The following SH3RF3 variants were observed in gnomAD, a reference collection of about 807,000 sequenced individuals.
SH3RF3 encodes the protein SH3 domain containing ring finger 3, also known as E3 ubiquitin-protein ligase SH3RF3.
In SH3RF3, 29 loss-of-function variants were observed where a neutral mutation model predicts 66.3. The ratio of observed to expected loss-of-function variants is 0.44; its 90% CI spans 0.33 to 0.60. SH3RF3 has a LOEUF of 0.60. Among genes scored for constraint, SH3RF3 ranks in the 20% least tolerant of loss-of-function variants. The probability of loss-of-function intolerance (pLI) is 0.04; values close to 1 mark genes in which losing one functional copy is unlikely to be tolerated. For synonymous variants in SH3RF3, 583 were observed against 532.0 expected, an observed-to-expected ratio of 1.10 and a Z score of -1.32; for missense variants, 1,194 against 1,190.9, an observed-to-expected ratio of 1.00 and a Z score of -0.04.
At chr2:109,324,077 TCTTA>T (rs1471853229) in intron 1 of SH3RF3, among the ~76,000 whole-genome samples, 4 of 152,362 alleles carry the variant, frequency 2.6e-5, no homozygotes, top group South Asian at 2.1e-4. Flanking sequence ...GCCTTTTGTG[TCTTA>T]CTTCTTTCAC....
chr2:109,441,917 T>G (rs1233357276), intron 7 of SH3RF3, among the ~76,000 whole-genome samples: 1 of 152,028 alleles, frequency 6.6e-6, no homozygotes, highest in Non-Finnish European at 1.5e-5. Context: ...AATATAGCTG[T>G]CAATCTAGTA....
At chr2:109,491,062 C>A in intron 9 of SH3RF3, 126 bp downstream of exon 9, 1 of 874,318 alleles carries the variant, frequency 1.1e-6, no homozygotes, top group Non-Finnish European at 1.6e-6. Flanking sequence ...TACCTCAACA[C>A]CCAGATCCAC....
intron 1 of SH3RF3, among the ~76,000 whole-genome samples, chr2:109,158,514 T>G (rs143889103): frequency 6.6e-6 from 1 of 152,220 alleles, no homozygotes; most frequent in Non-Finnish European, 1.5e-5. Flanking sequence ...ATGCCTTGGC[T>G]GGGGGAGCTG....
chr2:109,256,633 A>G (rs574493457), intron 1 of SH3RF3, among the ~76,000 whole-genome samples: 1 of 152,170 alleles, frequency 6.6e-6, no homozygotes, highest in South Asian at 2.1e-4. Flanking sequence ...ATTGTGCCAC[A>G]ATTTTTATTA....
chr2:109,398,714 T>G lies in SH3RF3; in HGVS notation c.1070T>G (p.Leu357Ter). 1.2e-6 allele frequency: 2 copies of G among 1,612,918 alleles called. No homozygotes were observed. Among genetic ancestry groups the G allele is most frequent in the Non-Finnish European group, 1.7e-6 (2 of 1,179,556 alleles). Residue 357 changes from leucine to a stop codon, truncating the protein, a stop_gained, in exon 4 of 10, where the codon TTA (leucine) becomes TGA (stop). Transcript: ENST00000309415. LOFTEE classifies it high-confidence loss of function. ...GCCAGCGTGGCCCCAAGTCCCACTT[T>G]AAGCAGCTCAGGGGCGGTCAGTGCC... The part of the protein sequence containing the change: ...AVASVAPSPT[L>*]SSSGAVSAFQ...
intron 7 of SH3RF3, among the ~76,000 whole-genome samples, chr2:109,443,081 A>G (rs1375467318): frequency 6.6e-6 from 1 of 152,266 alleles, no homozygotes; most frequent in Non-Finnish European, 1.5e-5. Context: ...TATCATGAAC[A>G]CTGAATTTGT....
chr2:109,343,864 C>T (rs2105541813), intron 1 of SH3RF3, among the ~76,000 whole-genome samples: 1 of 152,144 alleles, frequency 6.6e-6, no homozygotes, highest in South Asian at 2.1e-4. Context: ...CTTGCCTCAG[C>T]CTCCCAATAG....
In SH3RF3 at chr2:109,504,500, C is replaced by A. The variant is rs1679479915; in HGVS notation, c.*2829C>A. Reference sequence around the variant, plus strand: ...CTTTGTACTTTGCACAGTTCACACACACAAACACACACACCCTATCCCAAG... The same window carrying A: ...CTTTGTACTTTGCACAGTTCACACAAACAAACACACACACCCTATCCCAAG... On this transcript the variant is annotated 3_prime_UTR_variant, in exon 10 of 10. Transcript: ENST00000309415. 1 of 152,024 alleles carries A rather than the reference C, an allele frequency of 6.6e-6. No homozygotes were observed. The highest frequency in any genetic ancestry group is 2.4e-5 in the African/African-American group (1 of 41,444). The allele number at this position is 152,024 out of a possible 1,614,324, so 9.4% of individuals were successfully genotyped here.
intron 1 of SH3RF3, among the ~76,000 whole-genome samples, chr2:109,274,848 AC>A (rs1241957112): frequency 6.6e-6 from 1 of 151,976 alleles, no homozygotes; most frequent in Non-Finnish European, 1.5e-5. Context: ...TTTGTAGATT[AC>A]CATAATGTAA....
chr2:109,449,097 T>C (rs1677790627), intron 7 of SH3RF3, 73 bp from the exon 8 acceptor site: 1 of 1,517,774 alleles, frequency 6.6e-7, no homozygotes, highest in South Asian at 1.3e-5. Flanking sequence ...GAGTGTGCAT[T>C]GCAGCTGCCT....
At chr2:109,369,882 T>C (rs1240971575) in intron 2 of SH3RF3, among the ~76,000 whole-genome samples, 1 of 152,226 alleles carries the variant, frequency 6.6e-6, no homozygotes, top group Non-Finnish European at 1.5e-5. Context: ...AAGAGGCCTG[T>C]AAGTCCCGAA....
chr2:109,378,850 C>G (rs984246282), intron 3 of SH3RF3, among the ~76,000 whole-genome samples: 1 of 152,204 alleles, frequency 6.6e-6, no homozygotes, highest in Non-Finnish European at 1.5e-5. Flanking sequence ...GTGGGCAGTT[C>G]TTTCCCCAGT....
intron 1 of SH3RF3, among the ~76,000 whole-genome samples, chr2:109,146,259 G>A (rs1002907997): frequency 3.3e-5 from 5 of 152,160 alleles, no homozygotes; most frequent in Non-Finnish European, 2.9e-5. Flanking sequence ...GCCAGATTAA[G>A]GGTCAGGCAA....
At position 109,368,998 on chromosome 2, in the gene SH3RF3, G is replaced by A. The variant is rs569408137; in HGVS notation, c.850-2588G>A. On this transcript the variant is annotated intron_variant, in intron 2 of 9. Coordinates refer to ENST00000309415, the MANE Select transcript of SH3RF3 (RefSeq NM_001099289.3). ...CAGATTTCCGGAGCATTCTGTGGGC[G>A]CCTCCCCCAAGCCAGGGCCCCACTC... Among the ~76,000 whole-genome samples, 5 of 152,140 alleles carry A rather than the reference G, an allele frequency of 3.3e-5. No individual in the cohort carries two copies. The South Asian group carries it at 6.2e-4, about 19-fold the overall frequency.
intron 3 of SH3RF3, among the ~76,000 whole-genome samples, chr2:109,387,858 TGGGGG>T (rs5833330): frequency 6.8e-6 from 1 of 147,686 alleles, no homozygotes; most frequent in Non-Finnish European, 1.5e-5. Context: ...CCCAGATGGT[TGGGGG>T]GGGGGTCTCC....
intron 8 of SH3RF3, among the ~76,000 whole-genome samples, chr2:109,479,845 C>A (rs1465547315): frequency 6.6e-6 from 1 of 152,160 alleles, no homozygotes; most frequent in Non-Finnish European, 1.5e-5. Flanking sequence ...GACCCCGGGA[C>A]TCACTGCCCT....
At chr2:109,365,996 T>G (rs1003936433) in intron 2 of SH3RF3, among the ~76,000 whole-genome samples, 3 of 152,248 alleles carry the variant, frequency 2.0e-5, no homozygotes, top group Admixed American at 6.5e-5. Context: ...CTTCCTGAAT[T>G]TGTTTTCTGG....
intron 1 of SH3RF3, among the ~76,000 whole-genome samples, chr2:109,196,043 A>G (rs1678491656): frequency 6.6e-6 from 1 of 152,220 alleles, no homozygotes; most frequent in East Asian, 1.9e-4. Flanking sequence ...CAAAGTGGGA[A>G]TCCAGGTGAT....
At chr2:109,500,244 G>A (rs1679355522) in intron 9 of SH3RF3, among the ~76,000 whole-genome samples, 1 of 152,192 alleles carries the variant, frequency 6.6e-6, no homozygotes, top group Admixed American at 6.5e-5. Flanking sequence ...GTGAGGCCCA[G>A]CCAAGAAGAG....
Sources: allele counts gnomAD v4.1 joint callset (sites outside exome capture counted in the v4.1 genomes callset), GRCh38; gene constraint gnomAD v4.1.1; transcripts MANE v1.5; gene names NCBI Gene and HGNC (gene_info 2026-07-23, HGNC 2026-07-21).